The following L3MBTL3 variants were observed in gnomAD, a reference collection of about 807,000 sequenced individuals.
The protein encoded by L3MBTL3 is lethal(3)malignant brain tumor-like protein 3.
Under a neutral mutation model 102.3 loss-of-function variants are expected in L3MBTL3, and 27 were observed. That is an observed-to-expected ratio of 0.26 (90% CI 0.19 to 0.36). The LOEUF (loss-of-function observed/expected upper bound fraction) is 0.36. Ranked by LOEUF, L3MBTL3 falls within the 10% of genes least tolerant of loss-of-function variation. The pLI is 1.00. For missense variants in L3MBTL3, 798 were observed against 955.3 expected, an observed-to-expected ratio of 0.84 and a Z score of 2.17; for synonymous variants, 340 against 320.9, an observed-to-expected ratio of 1.06 and a Z score of -0.64.
intron 19 of L3MBTL3, among the ~76,000 whole-genome samples, chr6:130,109,807 C>G (rs571342415): frequency 3.9e-5 from 6 of 152,092 alleles, no homozygotes; most frequent in Non-Finnish European, 7.4e-5. Context: ...ATGGTACTGC[C>G]TATGTTTTCT....
chr6:130,101,676 G>A (rs1784697329), intron 18 of L3MBTL3, among the ~76,000 whole-genome samples: 1 of 152,224 alleles, frequency 6.6e-6, no homozygotes, highest in Admixed American at 6.5e-5. Context: ...GCCTCCTCCT[G>A]TGCAGATCGT....
At position 130,051,281 on chromosome 6, in the gene L3MBTL3, T is replaced by G. The variant is rs765158154; in HGVS notation, c.322T>G (p.Leu108Val). The change falls in exon 6 of 23, where the codon TTG becomes GTG. Residue 108 changes from leucine to valine, a missense_variant. By Grantham distance (32) the Leu-to-Val change is conservative. Coordinates refer to ENST00000361794, the MANE Select transcript of L3MBTL3 (RefSeq NM_032438.4). ...AGAGAAGACTGGGATGCCTTTCAGG[T>G]TGAAGGATCCAGTGAAAGTAGAAGG... ...FSEKTGMPFR[L>V]KDPVKVEGLQ... is the part of the protein sequence containing the mutation. 1 of 1,613,942 alleles carries G rather than the reference T, an allele frequency of 6.2e-7. No homozygotes were observed. The highest frequency in any genetic ancestry group is 8.5e-7 in the Non-Finnish European group (1 of 1,179,820).
At chr6:130,098,863 CT>C (rs11332477) in intron 18 of L3MBTL3, among the ~76,000 whole-genome samples, 50,400 of 118,520 alleles carry the variant, frequency 0.43, 10,316 homozygotes, top group African/African-American at 0.61. Flanking sequence ...GTGTGTTTTT[CT>C]TTTTTTTTTT....
chr6:130,092,610 A>C, intron 16 of L3MBTL3, 135 bp from the exon 17 acceptor site: 1 of 567,080 alleles, frequency 1.8e-6, no homozygotes, highest in Non-Finnish European at 3.1e-6. Context: ...AAGTATTTTG[A>C]ATAATTGAAC....
intron 22 of L3MBTL3, 113 bp downstream of exon 22, chr6:130,134,018 A>ATC (rs1787346748): frequency 1.3e-6 from 1 of 763,822 alleles, no homozygotes; most frequent in Non-Finnish European, 2.2e-6. Flanking sequence ...GGGTGTGTTG[A>ATC]AATTGACAAA....
intron 20 of L3MBTL3, among the ~76,000 whole-genome samples, chr6:130,122,184 T>C (rs1264069890): frequency 1.3e-5 from 2 of 152,242 alleles, no homozygotes; most frequent in Non-Finnish European, 2.9e-5. Context: ...TTGCTTTTCA[T>C]GTAAATAGTT....
At chr6:130,128,197 G>A (rs1786748252) in intron 20 of L3MBTL3, among the ~76,000 whole-genome samples, 1 of 151,948 alleles carries the variant, frequency 6.6e-6, no homozygotes, top group Non-Finnish European at 1.5e-5. Context: ...ATTAGGGTTA[G>A]GGGGGTGTGT....
At chr6:130,067,136 C>T (rs993655194) in intron 11 of L3MBTL3, among the ~76,000 whole-genome samples, 10 of 151,782 alleles carry the variant, frequency 6.6e-5, no homozygotes, top group African/African-American at 1.5e-4. Context: ...TTTTTTGAGA[C>T]GGAGTCTTGC....
At chr6:130,078,811 G>T (rs1388199316) in intron 14 of L3MBTL3, among the ~76,000 whole-genome samples, 177 bp downstream of exon 14, 1 of 152,188 alleles carries the variant, frequency 6.6e-6, no homozygotes, top group Admixed American at 6.5e-5. Flanking sequence ...AAACCAATGT[G>T]CATGGGTGTG....
At chr6:130,113,406 C>A (rs2115429156) in intron 19 of L3MBTL3, among the ~76,000 whole-genome samples, 1 of 152,278 alleles carries the variant, frequency 6.6e-6, no homozygotes, top group South Asian at 2.1e-4. Context: ...GGCATCCATC[C>A]CACATAGCCT....
intron 2 of L3MBTL3, among the ~76,000 whole-genome samples, chr6:130,029,893 G>C (rs922305655): frequency 1.1e-4 from 17 of 151,996 alleles, no homozygotes; most frequent in African/African-American, 3.6e-4. Context: ...GTACAATCTT[G>C]GTTCACTGCA....
intron 12 of L3MBTL3, among the ~76,000 whole-genome samples, chr6:130,070,296 A>C (rs1782544318): frequency 6.6e-6 from 1 of 152,144 alleles, no homozygotes; most frequent in African/African-American, 2.4e-5. Context: ...CTCTTACAGA[A>C]CTTTCATTGT....
At position 130,079,333 on chromosome 6, in the gene L3MBTL3, T is replaced by C. The variant is rs9492444; in HGVS notation, c.1321+699T>C. 9.8e-3 allele frequency among the ~76,000 whole-genome samples: 1,491 copies of C among 152,334 alleles called. 25 individuals are homozygous for C. Among genetic ancestry groups the C allele is most frequent in the African/African-American group, 0.032 (1,348 of 41,568 alleles). On this transcript the variant is annotated intron_variant, in intron 14 of 22. Coordinates refer to ENST00000361794, the MANE Select transcript of L3MBTL3 (RefSeq NM_032438.4). Reference sequence around the variant, plus strand: ...CTCTGAAGTTTTCAGGCGCTTCTGCTCTCTGCCTCTAGTCATAGAGCCTTC... The same window carrying C: ...CTCTGAAGTTTTCAGGCGCTTCTGCCCTCTGCCTCTAGTCATAGAGCCTTC...
chr6:130,091,627 T>G (rs946071755), intron 16 of L3MBTL3, among the ~76,000 whole-genome samples: 1 of 151,848 alleles, frequency 6.6e-6, no homozygotes. Context: ...GTTGGAGGAA[T>G]GGATAAAGAG....
chr6:130,099,040 A>T (rs1173410094), intron 18 of L3MBTL3, among the ~76,000 whole-genome samples: 1 of 151,970 alleles, frequency 6.6e-6, no homozygotes, highest in African/African-American at 2.4e-5. Context: ...AGGGTTTTTA[A>T]GGTGGCATTG....
rs750861750 is a variant in L3MBTL3 at position 130,094,267 on chromosome 6, C to G, written c.1636C>G (p.Pro546Ala). Reference sequence around the variant, plus strand: ...TTCTTTTCTTTGCTCTTTCATAGGCCCCTTAGAATTAATGGAAGCTTCAGA... The same window carrying G: ...TTCTTTTCTTTGCTCTTTCATAGGCGCCTTAGAATTAATGGAAGCTTCAGA... ...TGHPLQPPLS[P>A]LELMEASEHG... Residue 546 changes from proline (P) to alanine (A), a missense_variant and splice_region_variant, in exon 18 of 23, where the codon CCC (proline) becomes GCC (alanine). Pro to Ala is a conservative substitution (Grantham distance 27). Coordinates refer to ENST00000361794, the MANE Select transcript of L3MBTL3 (RefSeq NM_032438.4). 6.2e-7 allele frequency: 1 copy of G among 1,610,436 alleles called. No individual in the cohort carries two copies. The highest frequency in any genetic ancestry group is 1.1e-5 in the South Asian group (1 of 90,642).
rs575084072 is a variant in L3MBTL3, at chr6:130,067,331, C to A, written c.1000+843C>A. 2.6e-5 allele frequency among the ~76,000 whole-genome samples: 4 copies of A among 152,256 alleles called. No homozygotes were observed. In the East Asian group the frequency reaches 7.7e-4, roughly 29 times the overall value. On this transcript the variant is annotated intron_variant, in intron 11 of 22. Coordinates refer to ENST00000361794, the MANE Select transcript of L3MBTL3 (RefSeq NM_032438.4). ...GCTTCACCATGTTGGCCAGGCTGGT[C>A]TCAAACTTCTGGCCTCAAGTGATCT...
intron 19 of L3MBTL3, among the ~76,000 whole-genome samples, chr6:130,105,821 T>A (rs1436934220): frequency 1.3e-5 from 2 of 152,158 alleles, no homozygotes; most frequent in Non-Finnish European, 2.9e-5. Flanking sequence ...TAGTGCCTGT[T>A]GTAGGTTTTT....
chr6:130,029,980 C>T (rs774584751), intron 2 of L3MBTL3, among the ~76,000 whole-genome samples: 5 of 152,040 alleles, frequency 3.3e-5, no homozygotes, highest in Non-Finnish European at 7.4e-5. Context: ...TGCACCACCA[C>T]GCCCAACTAA....
Sources: gnomAD v4.1 joint callset for allele counts (sites outside exome capture counted in the v4.1 genomes callset) on GRCh38, gnomAD v4.1.1 for gene constraint, MANE v1.5 for transcripts, NCBI Gene and HGNC (gene_info 2026-07-23, HGNC 2026-07-21) for gene names.